Variants in HAGH observed in about 807,000 individuals in gnomAD.
The protein encoded by HAGH is hydroxyacylglutathione hydrolase.
Under a neutral mutation model 35.1 loss-of-function variants are expected in HAGH, and 29 were observed. The ratio of observed to expected loss-of-function variants is 0.83; its 90% confidence interval spans 0.62 to 1.13. The LOEUF is 1.13. HAGH is among the 50% of genes most tolerant of loss of function. HAGH has a pLI of 0.00. For missense variants in HAGH, 478 were observed against 419.6 expected, an observed-to-expected ratio of 1.14 and a Z score of -1.22; for synonymous variants, 225 against 176.1, an observed-to-expected ratio of 1.28 and a Z score of -2.20.
intron 7 of HAGH, among the ~76,000 whole-genome samples, chr16:1,812,953 A>G (rs186784425): frequency 3.0e-4 from 46 of 152,282 alleles, no homozygotes; most frequent in Admixed American, 5.9e-4. Context: ...CAGGAAAGCA[A>G]ACACCACAAG....
intron 7 of HAGH, among the ~76,000 whole-genome samples, chr16:1,812,866 G>A (rs555385647): frequency 6.6e-6 from 1 of 151,950 alleles, no homozygotes; most frequent in African/African-American, 2.4e-5. Context: ...CAAACGGCTG[G>A]CTCCACCGCG....
At chr16:1,816,809 G>A in intron 7 of HAGH, 84 bp downstream of exon 7, 1 of 820,796 alleles carries the variant, frequency 1.2e-6, no homozygotes. Flanking sequence ...GAGTGTGAGT[G>A]TCTACCCACT....
In HAGH at chr16:1,823,115, C is replaced by T; in HGVS notation, c.77-78G>A. 2.4e-6 allele frequency: 3 copies of T among 1,269,046 alleles called. No homozygotes were observed. The South Asian group carries it at 3.6e-5, about 15-fold the overall frequency. The allele number at this position is 1,269,046 out of a possible 1,614,324, so 78.6% of individuals were successfully genotyped here. ...AGGACGCGCAAGCTGCAGTGCTTCC[C>T]AGCCTTTCTAGGTTCCTTTGAAAAG... On this transcript the variant is annotated intron_variant, in intron 1 of 8. Transcript: ENST00000397356.
At chr16:1,816,868 A>G (rs1164417816) in intron 7 of HAGH, 25 bp downstream of exon 7, 2 of 1,419,108 alleles carry the variant, frequency 1.4e-6, no homozygotes, top group South Asian at 2.3e-5. Flanking sequence ...ACAGGAAGGC[A>G]CTGCGCAGTG....
upstream of HAGH, chr16:1,827,101 G>C: frequency 7.6e-7 from 1 of 1,314,356 alleles, no homozygotes; most frequent in South Asian, 1.4e-5. Context: ...CGCCGCCCGG[G>C]TACCCGGCAG....
At position 1,819,138 on chromosome 16, in the gene HAGH, G is replaced by A. The variant is rs762070284; in HGVS notation, c.518C>T (p.Ser173Leu). The change falls in exon 5 of 9, where the codon TCG becomes TTG. Residue 173 changes from serine to leucine, a missense_variant. By Grantham distance (145) the Ser-to-Leu change is moderately radical. Coordinates refer to ENST00000397356, the MANE Select transcript of HAGH (RefSeq NM_005326.6). ...ICYFVSKPGG[S>L]EPPAVFTGDT... ...ACCTGTGAACACGGCAGGGGGCTCC[G>A]AGCCTCCGGGCTTGCTCACGAAGTA... 13 of 1,611,710 alleles carry A rather than the reference G, an allele frequency of 8.1e-6. No individual in the cohort carries two copies. Among genetic ancestry groups the A allele is most frequent in the Middle Eastern group, 1.6e-4 (1 of 6,068 alleles).
At chr16:1,822,571 C>T (rs528606608) in intron 2 of HAGH, among the ~76,000 whole-genome samples, 1 of 152,252 alleles carries the variant, frequency 6.6e-6, no homozygotes, top group East Asian at 1.9e-4. Context: ...CTTGCAACCA[C>T]CTACGACCGC....
In HAGH at chr16:1,814,925, G is replaced by GTATA. The variant is rs200327289; in HGVS notation, c.747+1964_747+1967dup. ...AAAACAAACAAATAAATATATATATGTATATACACACACACACACACACAC... is the reference window on the plus strand; with the variant it reads ...AAAACAAACAAATAAATATATATATGTATATATATACACACACACACACACACAC... On this transcript the variant is annotated intron_variant, in intron 7 of 8. Coordinates refer to ENST00000397356, the MANE Select transcript of HAGH (RefSeq NM_005326.6). Among the ~76,000 whole-genome samples, 7 of 97,172 alleles carry GTATA rather than the reference G, an allele frequency of 7.2e-5. No individual in the cohort carries two copies. In the East Asian group the frequency reaches 2.2e-3, roughly 30 times the overall value. The allele number at this position is 97,172 out of a possible 152,430, so 63.7% of individuals were successfully genotyped here. A position where few individuals can be genotyped will look rare whatever the true frequency, so the allele number is the denominator to read the frequency against.
Position 1,810,184 on chromosome 16 carries a change from G to A in HAGH, c.748-351C>T, listed in dbSNP as rs770702448. On this transcript the variant is annotated intron_variant, in intron 7 of 8. Transcript: ENST00000397356. ...CAAAAAATGCTTCAGAACACCTCCTGGTAACCTTAGGACACTGCCCGACTG... is the reference window on the plus strand; with the variant it reads ...CAAAAAATGCTTCAGAACACCTCCTAGTAACCTTAGGACACTGCCCGACTG... 3 of 267,284 alleles carry A rather than the reference G, an allele frequency of 1.1e-5. No individual in the cohort carries two copies. The Admixed American group carries it at 1.4e-4, about 12-fold the overall frequency. The allele number at this position is 267,284 out of a possible 1,614,324, so 16.6% of individuals were successfully genotyped here. A position where few individuals can be genotyped will look rare whatever the true frequency, so the allele number is the denominator to read the frequency against.
chr16:1,814,725 C>T lies in HAGH; in HGVS notation c.747+2168G>A, dbSNP rs184457186. Among the ~76,000 whole-genome samples, 75 of 151,696 alleles carry T rather than the reference C, an allele frequency of 4.9e-4. 1 individual carries two copies. In the East Asian group the frequency reaches 0.013, roughly 26 times the overall value. ...CCTTCCTGGATAACACGGTGAAACCCATCTCTACTAAAAATACAAAAAATT... is the reference window on the plus strand; with the variant it reads ...CCTTCCTGGATAACACGGTGAAACCTATCTCTACTAAAAATACAAAAAATT... On this transcript the variant is annotated intron_variant, in intron 7 of 8. Coordinates refer to ENST00000397356, the MANE Select transcript of HAGH (RefSeq NM_005326.6).
chr16:1,818,350 G>T, intron 5 of HAGH, among the ~76,000 whole-genome samples: 1 of 152,058 alleles, frequency 6.6e-6, no homozygotes, highest in East Asian at 1.9e-4. Context: ...TCACAGCGAG[G>T]CGCCCGTCCC....
chr16:1,819,856 G>T (rs1340520218), intron 4 of HAGH, 41 bp downstream of exon 4: 7 of 1,289,068 alleles, frequency 5.4e-6, no homozygotes, highest in Middle Eastern at 2.0e-4. Flanking sequence ...CCACGCTCCT[G>T]ACAGGGCCAC....
intron 1 of HAGH, among the ~76,000 whole-genome samples, chr16:1,823,467 T>C (rs912276769): frequency 4.0e-5 from 6 of 151,678 alleles, no homozygotes; most frequent in South Asian, 2.1e-4. Flanking sequence ...ACGGGTTTCA[T>C]GGTGTTAGCC....
chr16:1,808,170 C>T lies in HAGH; in HGVS notation c.*1113G>A, dbSNP rs140021597. 1 of 152,366 alleles carries T rather than the reference C, an allele frequency of 6.6e-6. No homozygotes were observed. Among genetic ancestry groups the T allele is most frequent in the Non-Finnish European group, 1.5e-5 (1 of 68,062 alleles). The allele number at this position is 152,366 out of a possible 1,614,324, so 9.4% of individuals were successfully genotyped here. On this transcript the variant is annotated 3_prime_UTR_variant, in exon 9 of 9. Transcript: ENST00000397356. ...TTCCCCAAGCCAGAATGCAGTGGCA[C>T]AAGCAATGCTCACTGCAGCCTTGGA...
chr16:1,823,452 T>C (rs954519313), intron 1 of HAGH, among the ~76,000 whole-genome samples: 1 of 151,872 alleles, frequency 6.6e-6, no homozygotes, highest in African/African-American at 2.4e-5. Context: ...TATTTTTTAG[T>C]AGAGACGGGT....
chr16:1,811,585 T>C (rs1221273045), intron 7 of HAGH, among the ~76,000 whole-genome samples: 1 of 151,794 alleles, frequency 6.6e-6, no homozygotes, highest in Non-Finnish European at 1.5e-5. Flanking sequence ...TGGTGGCACA[T>C]GTCTGTAATT....
chr16:1,820,414 A>AT (rs1266912404), intron 3 of HAGH, among the ~76,000 whole-genome samples: 1 of 143,258 alleles, frequency 7.0e-6, no homozygotes, highest in Non-Finnish European at 1.6e-5. Flanking sequence ...TGGATTTTTG[A>AT]TTTTTGAAGG....
At chr16:1,826,976 G>A, upstream of HAGH, 2 of 613,794 alleles carry the variant, frequency 3.3e-6, no homozygotes, top group East Asian at 3.1e-5. Context: ...CCACGGGCCG[G>A]GAGACGGGCC....
At chr16:1,818,389 G>A (rs1247843232) in intron 5 of HAGH, 1 of 152,752 alleles carries the variant, frequency 6.5e-6, no homozygotes, top group African/African-American at 2.4e-5. Context: ...CCTCCTCTGG[G>A]GCTCCCTGGC....
Sources: gnomAD v4.1 joint callset for allele counts (sites outside exome capture counted in the v4.1 genomes callset) on GRCh38, gnomAD v4.1.1 for gene constraint, MANE v1.5 for transcripts, NCBI Gene and HGNC (gene_info 2026-07-23, HGNC 2026-07-21) for gene names.